The following OR51B5 variants were observed in gnomAD, a reference collection of about 807,000 sequenced individuals.
OR51B5 encodes olfactory receptor family 51 subfamily B member 5.
For missense variants in OR51B5, 456 were observed against 374.6 expected, an observed-to-expected ratio of 1.22 and a Z score of -1.79; for synonymous variants, 186 against 144.8, an observed-to-expected ratio of 1.28 and a Z score of -2.04.
At position 5,357,748 on chromosome 11, in the gene OR51B5, A is replaced by T. The variant is rs559675887; in HGVS notation, n.85-10838T>A. Among the ~76,000 whole-genome samples the T allele has an allele frequency of 3.1e-3, 460 of 149,642 alleles. 2 individuals are homozygous for T. Among genetic ancestry groups the T allele is most frequent in the African/African-American group, 8.1e-3 (326 of 40,444 alleles). The stretch of plus-strand genomic sequence containing the variant: ...TTGACCACATAGTTGGAAGTAAAGC[A>T]CTCCTCAGCAAATGTAAAAGAACAG... On this transcript the variant is annotated intron_variant and non_coding_transcript_variant, in intron 1 of 4. Transcript: ENST00000415970.
intron 1 of OR51B5, among the ~76,000 whole-genome samples, chr11:5,398,206 AAAT>A (rs139896063): frequency 0.37 from 55,659 of 151,940 alleles, 10,270 homozygotes; most frequent in South Asian, 0.42. Context: ...GTATAACAAA[AAAT>A]AAGTTAGAAA....
chr11:5,436,803 A>G (rs1405990155), intron 1 of OR51B5, among the ~76,000 whole-genome samples: 1 of 152,184 alleles, frequency 6.6e-6, no homozygotes, highest in Non-Finnish European at 1.5e-5. Context: ...AAACACACTT[A>G]TTGTATACAT....
intron 1 of OR51B5, chr11:5,423,120 AT>A: frequency 6.2e-7 from 1 of 1,603,860 alleles, no homozygotes; most frequent in Non-Finnish European, 8.5e-7. Context: ...GGAATGTTAA[AT>A]TTCCTTTCCC....
chr11:5,379,029 A>C (rs1459256551), intron 1 of OR51B5, among the ~76,000 whole-genome samples: 1 of 151,068 alleles, frequency 6.6e-6, no homozygotes, highest in Non-Finnish European at 1.5e-5. Context: ...TTATTGCGGT[A>C]CTATTCACAA....
intron 1 of OR51B5, among the ~76,000 whole-genome samples, chr11:5,452,596 T>C (rs1850873655): frequency 6.9e-6 from 1 of 144,162 alleles, no homozygotes; most frequent in South Asian, 2.2e-4. Flanking sequence ...CTTTACGAGA[T>C]ATGGAGATAT....
At chr11:5,442,544 C>T (rs1226473590) in intron 1 of OR51B5, among the ~76,000 whole-genome samples, 2 of 152,116 alleles carry the variant, frequency 1.3e-5, no homozygotes, top group Admixed American at 6.5e-5. Context: ...GATGCGATAA[C>T]ATTCTTCTCT....
chr11:5,397,408 C>T (rs1194523401), intron 1 of OR51B5, among the ~76,000 whole-genome samples: 4 of 152,120 alleles, frequency 2.6e-5, no homozygotes, highest in Non-Finnish European at 5.9e-5. Flanking sequence ...ACAGACACTT[C>T]TCAAAAGAAG....
At chr11:5,402,708 T>C (rs957165093) in intron 1 of OR51B5, 16 of 471,246 alleles carry the variant, frequency 3.4e-5, no homozygotes, top group Middle Eastern at 3.2e-4. Context: ...CTCCCTGATA[T>C]ACATCATCAT....
intron 1 of OR51B5, among the ~76,000 whole-genome samples, chr11:5,496,164 A>G (rs1361756640): frequency 6.6e-6 from 1 of 151,942 alleles, no homozygotes; most frequent in Non-Finnish European, 1.5e-5. Flanking sequence ...TTGACTCTCA[A>G]TGGAGGTACC....
chr11:5,370,896 G>A (rs1376617421), intron 1 of OR51B5, among the ~76,000 whole-genome samples: 1 of 152,218 alleles, frequency 6.6e-6, no homozygotes, highest in Non-Finnish European at 1.5e-5. Flanking sequence ...CCTGAGAGTT[G>A]TAGAGGCAAA....
At chr11:5,344,290 C>T (rs1848955137), upstream of OR51B5, among the ~76,000 whole-genome samples, 1 of 152,184 alleles carries the variant, frequency 6.6e-6, no homozygotes, top group South Asian at 2.1e-4. Flanking sequence ...TAGTGTATCT[C>T]CTTCAGTTTA....
Position 5,360,167 on chromosome 11 carries a change from T to G in OR51B5, n.85-13257A>C, listed in dbSNP as rs564951579. Among the ~76,000 whole-genome samples, 4 of 142,796 alleles carry G rather than the reference T, an allele frequency of 2.8e-5. No homozygotes were observed. The South Asian group carries it at 9.2e-4, about 33-fold the overall frequency. The allele number at this position is 142,796 out of a possible 152,430, so 93.7% of individuals were successfully genotyped here. A position where few individuals can be genotyped will look rare whatever the true frequency, so the allele number is the denominator to read the frequency against. ...ATGGGATCTAATTAAACTAAAGAGCTTCTGCACAGCAAAAGAAACTACCAT... is the reference window on the plus strand; with the variant it reads ...ATGGGATCTAATTAAACTAAAGAGCGTCTGCACAGCAAAAGAAACTACCAT... On this transcript the variant is annotated intron_variant and non_coding_transcript_variant, in intron 1 of 4. Coordinates refer to the OR51B5 transcript ENST00000415970.
At chr11:5,373,293 C>A (rs987815131) in intron 1 of OR51B5, among the ~76,000 whole-genome samples, 2 of 152,142 alleles carry the variant, frequency 1.3e-5, no homozygotes, top group African/African-American at 2.4e-5. Context: ...AAAATTTTCA[C>A]TGGAAGTCTA....
At chr11:5,343,677 A>C (rs527490082), upstream of OR51B5, 7 of 533,298 alleles carry the variant, frequency 1.3e-5, no homozygotes, top group South Asian at 2.3e-4. Context: ...CTCAAAATAC[A>C]TTCTCAGGGT....
In OR51B5 at chr11:5,356,283, G is replaced by T. The variant is rs182684694; in HGVS notation, n.85-9373C>A. Among the ~76,000 whole-genome samples the T allele has an allele frequency of 1.2e-3, 183 of 151,964 alleles. 1 individual carries two copies. The highest frequency in any genetic ancestry group is 4.2e-3 in the African/African-American group (173 of 41,416). Reference sequence around the variant, plus strand: ...AACCAATACAGAGAAGTCCTTAAAGGACCTGATGGAGCTGAAAACCAAGGC... The same window carrying T: ...AACCAATACAGAGAAGTCCTTAAAGTACCTGATGGAGCTGAAAACCAAGGC... On this transcript the variant is annotated intron_variant and non_coding_transcript_variant, in intron 1 of 4. Transcript: ENST00000415970.
intron 1 of OR51B5, among the ~76,000 whole-genome samples, chr11:5,493,346 C>G (rs1044867404): frequency 2.0e-5 from 3 of 152,084 alleles, no homozygotes; most frequent in African/African-American, 7.2e-5. Context: ...ATCGATCTGC[C>G]TTTTTCTAAA....
intron 1 of OR51B5, among the ~76,000 whole-genome samples, chr11:5,462,142 C>T (rs1851065448): frequency 6.6e-6 from 1 of 152,094 alleles, no homozygotes; most frequent in Admixed American, 6.5e-5. Flanking sequence ...TTGTCTTGCC[C>T]TGTCATGGGT....
chr11:5,406,963 C>A (rs1351069000), intron 1 of OR51B5, among the ~76,000 whole-genome samples: 6 of 152,092 alleles, frequency 3.9e-5, no homozygotes, highest in Non-Finnish European at 1.5e-5. Context: ...ATTTGTACTA[C>A]ACCTTTTCTA....
At chr11:5,480,308 A>G (rs1431735836) in intron 1 of OR51B5, among the ~76,000 whole-genome samples, 1 of 151,816 alleles carries the variant, frequency 6.6e-6, no homozygotes, top group Admixed American at 6.6e-5. Flanking sequence ...TTTGAAACCA[A>G]CGAGAACAAA....
Sources: allele counts gnomAD v4.1 joint callset (sites outside exome capture counted in the v4.1 genomes callset), GRCh38; gene constraint gnomAD v4.1.1; transcripts MANE v1.5; gene names NCBI Gene and HGNC (gene_info 2026-07-23, HGNC 2026-07-21).